LMBRD1: variants seen among roughly 807,000 people sequenced by gnomAD.
The protein encoded by LMBRD1 is LMBR1 domain containing 1.
LMBRD1 carries 64 observed loss-of-function variants against 74.8 expected under a neutral mutation model. That is an observed-to-expected ratio of 0.86 (90% confidence interval 0.70 to 1.05). The LOEUF (loss-of-function observed/expected upper bound fraction) is 1.05, where lower values mean the gene tolerates loss of function less well. LMBRD1 is among the 50% of genes least tolerant of loss of function. The pLI, the probability that LMBRD1 is intolerant of heterozygous loss-of-function variation, is 0.00. For synonymous variants in LMBRD1, 204 were observed against 216.3 expected, an observed-to-expected ratio of 0.94 and a Z score of 0.50; for missense variants, 652 against 645.9, an observed-to-expected ratio of 1.01 and a Z score of -0.10.
intron 7 of LMBRD1, among the ~76,000 whole-genome samples, chr6:69,727,680 C>T (rs1766765481): frequency 6.6e-6 from 1 of 151,962 alleles, no homozygotes; most frequent in Non-Finnish European, 1.5e-5. Flanking sequence ...GCACTTGCAC[C>T]CTCTAAATAT....
chr6:69,732,269 G>A (rs1377690334), intron 7 of LMBRD1, among the ~76,000 whole-genome samples: 1 of 152,118 alleles, frequency 6.6e-6, no homozygotes. Flanking sequence ...AGATAACTGA[G>A]TCATGAGGGT....
Position 69,697,553 on chromosome 6 carries a change from C to G in LMBRD1, c.1417+10G>C. 3 of 1,567,158 alleles carry G rather than the reference C, an allele frequency of 1.9e-6. No homozygotes were observed. The highest frequency in any genetic ancestry group is 2.6e-6 in the Non-Finnish European group (3 of 1,138,246). On this transcript the variant is annotated intron_variant, in intron 14 of 15. Transcript: ENST00000649934. ...AAAAAGTTGTAAGTTCTAAAACAAG[C>G]TGTTTTTACCTTCAGGAGCATCTGC...
intron 14 of LMBRD1, among the ~76,000 whole-genome samples, chr6:69,681,386 A>C (rs902642265): frequency 6.6e-6 from 1 of 151,960 alleles, no homozygotes; most frequent in Non-Finnish European, 1.5e-5. Flanking sequence ...TTATCTGATA[A>C]ATTTTATATT....
At chr6:69,776,848 C>T (rs753164395) in intron 3 of LMBRD1, among the ~76,000 whole-genome samples, 1 of 152,174 alleles carries the variant, frequency 6.6e-6, no homozygotes, top group Non-Finnish European at 1.5e-5. Context: ...ATCTACCATT[C>T]TGTATTATTT....
chr6:69,780,020 CAT>C, intron 3 of LMBRD1, among the ~76,000 whole-genome samples: 1 of 152,210 alleles, frequency 6.6e-6, no homozygotes, highest in Non-Finnish European at 1.5e-5. Flanking sequence ...CCTTGCCCCA[CAT>C]GTTCCTGGCG....
intron 14 of LMBRD1, among the ~76,000 whole-genome samples, chr6:69,684,273 A>G (rs1040322703): frequency 6.6e-6 from 1 of 152,120 alleles, no homozygotes; most frequent in African/African-American, 2.4e-5. Flanking sequence ...AAAGCTGAAT[A>G]CATACCAAAG....
intron 14 of LMBRD1, among the ~76,000 whole-genome samples, chr6:69,685,245 A>G (rs997564733): frequency 2.0e-5 from 3 of 152,196 alleles, no homozygotes; most frequent in Non-Finnish European, 4.4e-5. Flanking sequence ...ATTTTTTGTG[A>G]TATTTCAAAA....
intron 14 of LMBRD1, among the ~76,000 whole-genome samples, chr6:69,679,005 A>G (rs1765605026): frequency 1.3e-5 from 2 of 151,726 alleles, no homozygotes. Flanking sequence ...GAATTGCTCA[A>G]TACCAAACTG....
intron 3 of LMBRD1, among the ~76,000 whole-genome samples, chr6:69,776,392 A>T (rs1017202916): frequency 2.0e-5 from 3 of 152,238 alleles, no homozygotes; most frequent in African/African-American, 7.2e-5. Context: ...ACTAGCATCT[A>T]AACTAGCACC....
chr6:69,696,822 A>G (rs548949342), intron 14 of LMBRD1, among the ~76,000 whole-genome samples: 1 of 152,314 alleles, frequency 6.6e-6, no homozygotes, highest in Admixed American at 6.5e-5. Flanking sequence ...TGTGTTTTTC[A>G]TAATGGTATT....
chr6:69,676,577 T>C, intron 14 of LMBRD1, 36 bp from the exon 15 acceptor site: 1 of 1,467,294 alleles, frequency 6.8e-7, no homozygotes, highest in South Asian at 1.1e-5. Context: ...GTGAGATAGG[T>C]TCTTTCATAA....
chr6:69,759,346 C>A (rs1006815991), intron 3 of LMBRD1, among the ~76,000 whole-genome samples: 2 of 152,074 alleles, frequency 1.3e-5, no homozygotes, highest in African/African-American at 4.8e-5. Flanking sequence ...TTAATACTCA[C>A]ACCTGACAAG....
chr6:69,780,687 T>C (rs1244171724), intron 2 of LMBRD1, 133 bp from the exon 3 acceptor site: 2 of 697,524 alleles, frequency 2.9e-6, no homozygotes, highest in Non-Finnish European at 5.2e-6. Context: ...ATGTCTTCAA[T>C]AAGTGAGAGA....
At chr6:69,728,153 T>C (rs1766776161) in intron 7 of LMBRD1, among the ~76,000 whole-genome samples, 1 of 152,144 alleles carries the variant, frequency 6.6e-6, no homozygotes. Context: ...GCACGTTATA[T>C]GTTGCTGGAG....
At chr6:69,756,735 G>A (rs1448944764) in intron 3 of LMBRD1, among the ~76,000 whole-genome samples, 2 of 152,200 alleles carry the variant, frequency 1.3e-5, no homozygotes, top group East Asian at 1.9e-4. Flanking sequence ...CAAAACAAGT[G>A]CATTTGCCTA....
chr6:69,694,593 TTCTC>T (rs1301661751), intron 14 of LMBRD1, among the ~76,000 whole-genome samples: 2 of 152,166 alleles, frequency 1.3e-5, no homozygotes, highest in African/African-American at 2.4e-5. Context: ...TTTTAATCCT[TTCTC>T]TCAGTTTTAG....
intron 5 of LMBRD1, among the ~76,000 whole-genome samples, chr6:69,747,213 CAG>C (rs1215838885): frequency 6.6e-6 from 1 of 152,094 alleles, no homozygotes; most frequent in Non-Finnish European, 1.5e-5. Flanking sequence ...GAAGAGACAC[CAG>C]AGAGTGCTCC....
chr6:69,678,136 T>C (rs1434013761), intron 14 of LMBRD1, among the ~76,000 whole-genome samples: 3 of 152,150 alleles, frequency 2.0e-5, no homozygotes, highest in Non-Finnish European at 4.4e-5. Context: ...ACACGAACTA[T>C]AGATTGACAC....
Position 69,790,419 on chromosome 6 carries a change from T to C in LMBRD1, c.123A>G (p.Glu41=), listed in dbSNP as rs1248781245. 1 of 1,614,076 alleles carries C rather than the reference T, an allele frequency of 6.2e-7. No individual in the cohort carries two copies. Among genetic ancestry groups the C allele is most frequent in the South Asian group, 1.1e-5 (1 of 91,082 alleles). The change falls in exon 2 of 16, where the codon GAA becomes GAG. Residue 41 remains glutamate (E), a synonymous_variant. Transcript: ENST00000649934. ...CTGTTATGGTGGAGACAACTTCACT[T>C]TCCCGCCGACTTTGGTATTTACGAA... The part of the protein sequence containing the change: ...IYVRKYQSRR[E]SEVVSTITAI...
Sources: allele counts gnomAD v4.1 joint callset (sites outside exome capture counted in the v4.1 genomes callset), GRCh38; gene constraint gnomAD v4.1.1; transcripts MANE v1.5; gene names NCBI Gene and HGNC (gene_info 2026-07-23, HGNC 2026-07-21).